The following OCA2 variants were observed in gnomAD, a reference collection of about 807,000 sequenced individuals.
The protein encoded by OCA2 is OCA2 melanosomal transmembrane protein, also known as P protein.
A neutral mutation model predicts 100.2 loss-of-function variants in OCA2; 77 were observed. The observed-to-expected ratio is 0.77, with a 90% confidence interval of 0.64 to 0.93. The LOEUF is 0.93. Ranked by LOEUF, OCA2 falls within the 40% of genes least tolerant of loss-of-function variation. The pLI, the probability that OCA2 is intolerant of heterozygous loss-of-function variation, is 0.00. For missense variants in OCA2, 1,062 were observed against 1,089.1 expected, an observed-to-expected ratio of 0.98 and a Z score of 0.35; for synonymous variants, 432 against 439.2, an observed-to-expected ratio of 0.98 and a Z score of 0.21.
At chr15:27,876,879 T>C (rs1225988135) in intron 19 of OCA2, among the ~76,000 whole-genome samples, 1 of 151,874 alleles carries the variant, frequency 6.6e-6, no homozygotes, top group African/African-American at 2.4e-5. Flanking sequence ...GCTTTGTCTG[T>C]TTCCTACTTT....
chr15:27,880,328 T>G (rs2036962835), intron 19 of OCA2, among the ~76,000 whole-genome samples: 1 of 152,210 alleles, frequency 6.6e-6, no homozygotes, highest in South Asian at 2.1e-4. Context: ...TTATCTTGGC[T>G]ATATGCACTC....
intron 18 of OCA2, among the ~76,000 whole-genome samples, chr15:27,937,252 T>G (rs2140465053): frequency 6.6e-6 from 1 of 152,356 alleles, no homozygotes; most frequent in South Asian, 2.1e-4. Flanking sequence ...ACGTTCATTT[T>G]TTATTTCTGT....
At chr15:27,965,732 T>C (rs1209983651) in intron 15 of OCA2, among the ~76,000 whole-genome samples, 1 of 152,230 alleles carries the variant, frequency 6.6e-6, no homozygotes, top group Non-Finnish European at 1.5e-5. Flanking sequence ...TGCTGAGCTC[T>C]GGTCGCCTGA....
chr15:27,722,667 C>T, the OCA2 span, among the ~76,000 whole-genome samples: 224 of 20,000 alleles, frequency 0.011, 1 homozygote, highest in Middle Eastern at 0.033. Context: ...TCTTTCTTTC[C>T]TTTCTTTTCT....
At chr15:27,792,216 TTTTC>T (rs749490977) in intron 23 of OCA2, among the ~76,000 whole-genome samples, 2 of 152,190 alleles carry the variant, frequency 1.3e-5, no homozygotes, top group African/African-American at 4.8e-5. Context: ...CTTTCTTTTC[TTTTC>T]TTTCTTTCTC....
chr15:27,765,988 C>G (rs146503413), intron 23 of OCA2, among the ~76,000 whole-genome samples: 1 of 152,144 alleles, frequency 6.6e-6, no homozygotes, highest in African/African-American at 2.4e-5. Flanking sequence ...TGCTGCCCAG[C>G]GGGCCTCAGC....
chr15:28,002,669 G>A lies in OCA2; in HGVS notation c.1045-12022C>T, dbSNP rs573994207. Among the ~76,000 whole-genome samples, 102 of 152,244 alleles carry A rather than the reference G, an allele frequency of 6.7e-4. 1 individual carries two copies. The highest frequency in any genetic ancestry group is 6.8e-3 in the Middle Eastern group (2 of 292). On this transcript the variant is annotated intron_variant, in intron 9 of 23. Transcript: ENST00000354638. ...CTGGCCTTTCCTCAGCGGGCTGATG[G>A]GGTGGGCTCCAGGCCACGCGGGAGC...
Position 27,846,151 on chromosome 15 carries a change from C to T in OCA2, c.2339-1099G>A, listed in dbSNP as rs547377938. Among the ~76,000 whole-genome samples, 415 of 152,168 alleles carry T rather than the reference C, an allele frequency of 2.7e-3. 2 individuals are homozygous for T. The highest frequency in any genetic ancestry group is 9.3e-3 in the African/African-American group (387 of 41,542). ...GGAGCAGCTGCGATATGCGAGTCTT[C>T]GGGGCAGTGCTGGCCCAGACAGCCC... On this transcript the variant is annotated intron_variant, in intron 22 of 23. Coordinates refer to ENST00000354638, the MANE Select transcript of OCA2 (RefSeq NM_000275.3).
At chr15:27,878,849 C>G (rs1424761584) in intron 19 of OCA2, among the ~76,000 whole-genome samples, 1 of 151,914 alleles carries the variant, frequency 6.6e-6, no homozygotes, top group Non-Finnish European at 1.5e-5. Context: ...AATATTTATT[C>G]TTTTTTAAAT....
intron 15 of OCA2, among the ~76,000 whole-genome samples, chr15:27,959,198 C>CAT (rs2040330081): frequency 6.6e-6 from 1 of 152,174 alleles, no homozygotes; most frequent in Admixed American, 6.5e-5. Flanking sequence ...AACTAAGATA[C>CAT]ATAATATGTT....
chr15:27,749,349 G>C, the OCA2 span, among the ~76,000 whole-genome samples: 2 of 152,130 alleles, frequency 1.3e-5, no homozygotes, highest in South Asian at 2.1e-4. Flanking sequence ...TGTCAACTAA[G>C]AACTATGTCC....
intron 23 of OCA2, among the ~76,000 whole-genome samples, chr15:27,800,056 G>T (rs2033529681): frequency 6.6e-6 from 1 of 152,026 alleles, no homozygotes; most frequent in Non-Finnish European, 1.5e-5. Flanking sequence ...AAAAATCCCT[G>T]GACAATGCCC....
chr15:27,888,746 G>A (rs986359733), intron 19 of OCA2, among the ~76,000 whole-genome samples: 6 of 151,744 alleles, frequency 4.0e-5, no homozygotes, highest in Non-Finnish European at 8.8e-5. Context: ...GAAGAAGGCC[G>A]TGTGTGTGTG....
chr15:27,905,915 A>G (rs895772799), intron 19 of OCA2, among the ~76,000 whole-genome samples: 14 of 152,350 alleles, frequency 9.2e-5, no homozygotes, highest in African/African-American at 3.1e-4. Flanking sequence ...CGCCATGCCC[A>G]CGCCTCAAGC....
intron 9 of OCA2, among the ~76,000 whole-genome samples, chr15:27,997,082 G>GAGAGAAAGAAAGAAAGAA (rs71132830): frequency 8.0e-6 from 1 of 124,374 alleles, no homozygotes; most frequent in Non-Finnish European, 1.6e-5. Flanking sequence ...GGGAGAAAGA[G>GAGAGAAAGAAAGAAAGAA]AGAGAAAGAA....
intron 7 of OCA2, among the ~76,000 whole-genome samples, chr15:28,017,824 C>T (rs553635610): frequency 6.6e-6 from 1 of 152,096 alleles, no homozygotes; most frequent in East Asian, 1.9e-4. Flanking sequence ...GAGGCCAGGG[C>T]TCGGGGGAGT....
In OCA2 at chr15:27,944,270, T is replaced by C. The variant is rs955330701; in HGVS notation, c.1951+7514A>G. Reference sequence around the variant, plus strand: ...GGAGATCTGATCTATCCAATCCCCTTCTTGCCTCTAGCCTTCAAGCTGCCC... The same window carrying C: ...GGAGATCTGATCTATCCAATCCCCTCCTTGCCTCTAGCCTTCAAGCTGCCC... On this transcript the variant is annotated intron_variant, in intron 18 of 23. Transcript: ENST00000354638. 7.2e-5 allele frequency among the ~76,000 whole-genome samples: 11 copies of C among 152,196 alleles called. No individual in the cohort carries two copies. In the South Asian group the frequency reaches 8.3e-4, roughly 11 times the overall value.
intron 23 of OCA2, among the ~76,000 whole-genome samples, chr15:27,823,445 T>G (rs2034582390): frequency 6.6e-6 from 1 of 152,228 alleles, no homozygotes; most frequent in Non-Finnish European, 1.5e-5. Context: ...TTATTTAATT[T>G]TTCCCAAATA....
chr15:27,754,360 T>C (rs561484800), downstream of OCA2, among the ~76,000 whole-genome samples: 127 of 152,298 alleles, frequency 8.3e-4, 2 homozygotes, highest in African/African-American at 3.0e-3. Flanking sequence ...GCCCTGAGCA[T>C]CTTGGAACTT....
Sources: allele counts gnomAD v4.1 joint callset (sites outside exome capture counted in the v4.1 genomes callset), GRCh38; gene constraint gnomAD v4.1.1; transcripts MANE v1.5; gene names NCBI Gene and HGNC (gene_info 2026-07-23, HGNC 2026-07-21).